The following TTLL5 variants were observed in gnomAD, a reference collection of about 807,000 sequenced individuals.
The protein encoded by TTLL5 is tubulin polyglutamylase TTLL5.
A neutral mutation model predicts 168.4 loss-of-function variants in TTLL5; 132 were observed. The ratio of observed to expected loss-of-function variants is 0.78; its 90% CI spans 0.68 to 0.91. TTLL5 has a LOEUF of 0.91. Among genes scored for constraint, TTLL5 ranks in the 40% least tolerant of loss-of-function variants. The pLI, the probability that TTLL5 is intolerant of heterozygous loss-of-function variation, is 0.00. For missense variants in TTLL5, 1,545 were observed against 1,581.5 expected (o/e 0.98, Z 0.39); for synonymous variants, 546 against 558.6 (o/e 0.98, Z 0.32).
intron 18 of TTLL5, among the ~76,000 whole-genome samples, chr14:75,755,054 C>T (rs1257624381): frequency 5.9e-5 from 9 of 152,064 alleles, no homozygotes; most frequent in African/African-American, 1.9e-4. Flanking sequence ...CACCTGAGGT[C>T]GGGAGTTCGA....
intron 31 of TTLL5, among the ~76,000 whole-genome samples, chr14:75,933,813 C>A (rs4903358): frequency 0.78 from 118,491 of 152,170 alleles, 46,245 homozygotes; most frequent in Admixed American, 0.83. Context: ...CAGGGCCCTG[C>A]TCCAGTGTGA....
At chr14:75,754,095 C>T (rs903578752) in intron 18 of TTLL5, among the ~76,000 whole-genome samples, 2 of 151,956 alleles carry the variant, frequency 1.3e-5, no homozygotes, top group African/African-American at 4.8e-5. Flanking sequence ...TTTTGTCTTC[C>T]AAAACTAAAT....
At chr14:75,677,767 AC>A (rs1366607557) in intron 3 of TTLL5, among the ~76,000 whole-genome samples, 1 of 149,144 alleles carries the variant, frequency 6.7e-6, no homozygotes, top group Non-Finnish European at 1.5e-5. Context: ...ACAGGCGCCC[AC>A]CCGTACACTT....
chr14:75,921,672 C>T (rs1338002276), intron 31 of TTLL5, among the ~76,000 whole-genome samples: 1 of 152,206 alleles, frequency 6.6e-6, no homozygotes, highest in East Asian at 1.9e-4. Flanking sequence ...GCCTCCTAAG[C>T]TTTGCTCTTT....
intron 3 of TTLL5, among the ~76,000 whole-genome samples, chr14:75,671,821 A>G (rs969725108): frequency 1.3e-5 from 2 of 152,188 alleles, no homozygotes; most frequent in Non-Finnish European, 2.9e-5. Context: ...TTATCTGCAA[A>G]TAGAGAGAAT....
intron 6 of TTLL5, among the ~76,000 whole-genome samples, chr14:75,696,796 C>T (rs910469594): frequency 2.6e-5 from 4 of 152,142 alleles, no homozygotes; most frequent in East Asian, 3.8e-4. Flanking sequence ...TAGCAAATAA[C>T]GTGTGTATAT....
intron 27 of TTLL5, among the ~76,000 whole-genome samples, chr14:75,815,085 C>T (rs1254326261): frequency 6.6e-6 from 1 of 152,090 alleles, no homozygotes; most frequent in African/African-American, 2.4e-5. Flanking sequence ...CCCCGAGTTG[C>T]TTGATTATGG....
At position 75,899,419 on chromosome 14, in the gene TTLL5, C is replaced by T. The variant is rs116504380; in HGVS notation, c.3741-2723C>T. ...TGTCCAGAAGTTGGAATATATTTTCCCAAGGAAATGATGTTATCACAACAA... is the reference window on the plus strand; with the variant it reads ...TGTCCAGAAGTTGGAATATATTTTCTCAAGGAAATGATGTTATCACAACAA... On this transcript the variant is annotated intron_variant, in intron 30 of 31. Coordinates refer to ENST00000298832, the MANE Select transcript of TTLL5 (RefSeq NM_015072.5). Among the ~76,000 whole-genome samples, 378 of 152,198 alleles carry T rather than the reference C, an allele frequency of 2.5e-3. 3 individuals are homozygous for T. The highest frequency in any genetic ancestry group is 8.2e-3 in the African/African-American group (341 of 41,512).
intron 3 of TTLL5, among the ~76,000 whole-genome samples, chr14:75,672,969 C>A (rs546833461): frequency 7.2e-5 from 11 of 152,044 alleles, no homozygotes; most frequent in Non-Finnish European, 1.6e-4. Context: ...GACAAAGTCT[C>A]ACTCTGTCAC....
chr14:75,937,922 G>A (rs1255221867), intron 31 of TTLL5, among the ~76,000 whole-genome samples: 3 of 152,120 alleles, frequency 2.0e-5, no homozygotes, highest in African/African-American at 7.2e-5. Flanking sequence ...AATTTTTTGA[G>A]GAACCACCAT....
chr14:75,908,460 G>A (rs574828362), intron 31 of TTLL5, among the ~76,000 whole-genome samples: 2 of 152,332 alleles, frequency 1.3e-5, no homozygotes, highest in Admixed American at 6.5e-5. Context: ...CCATAATCAC[G>A]AACGAATGTC....
At chr14:75,845,631 A>T (rs961262608) in intron 28 of TTLL5, among the ~76,000 whole-genome samples, 1 of 152,198 alleles carries the variant, frequency 6.6e-6, no homozygotes, top group Admixed American at 6.5e-5. Flanking sequence ...TGTGCTTTGT[A>T]TGATTTGTGC....
At position 75,693,884 on chromosome 14, in the gene TTLL5, C is replaced by T. The variant is rs141619333; in HGVS notation, c.502+3562C>T. Among the ~76,000 whole-genome samples the T allele has an allele frequency of 7.4e-3, 1,121 of 152,252 alleles. 11 individuals are homozygous for T. Among genetic ancestry groups the T allele is most frequent in the Non-Finnish European group, 0.01 (686 of 68,030 alleles). On this transcript the variant is annotated intron_variant, in intron 6 of 31. Coordinates refer to ENST00000298832, the MANE Select transcript of TTLL5 (RefSeq NM_015072.5). ...AGCAATGGGTAAATTTGTAGAATTA[C>T]GATTTTAGAATTATAAGAGATCTTA...
At chr14:75,927,554 C>A (rs1290674652) in intron 31 of TTLL5, among the ~76,000 whole-genome samples, 1 of 152,144 alleles carries the variant, frequency 6.6e-6, no homozygotes, top group Non-Finnish European at 1.5e-5. Context: ...AATTGTTGAT[C>A]AATACGTATT....
At chr14:75,919,502 T>C (rs1207345886) in intron 31 of TTLL5, among the ~76,000 whole-genome samples, 1 of 152,156 alleles carries the variant, frequency 6.6e-6, no homozygotes, top group Non-Finnish European at 1.5e-5. Context: ...CTTCAACAAC[T>C]ATTCAGTGGT....
At chr14:75,884,995 C>CCTGT (rs1277013908) in intron 30 of TTLL5, among the ~76,000 whole-genome samples, 6 of 149,516 alleles carry the variant, frequency 4.0e-5, no homozygotes. Flanking sequence ...ATGGTGAAAC[C>CCTGT]CTGTCTCTAC....
intron 3 of TTLL5, among the ~76,000 whole-genome samples, 195 bp downstream of exon 3, chr14:75,669,717 A>G (rs538501865): frequency 1.7e-3 from 258 of 152,276 alleles, no homozygotes; most frequent in African/African-American, 6.0e-3. Flanking sequence ...TTTTTCAAGA[A>G]TATTGTGTAC....
At chr14:75,752,543 C>G (rs1204387927) in intron 17 of TTLL5, among the ~76,000 whole-genome samples, 1 of 152,176 alleles carries the variant, frequency 6.6e-6, no homozygotes, top group Non-Finnish European at 1.5e-5. Context: ...TTCCCAGTTT[C>G]ATTTGACCTA....
intron 15 of TTLL5, among the ~76,000 whole-genome samples, chr14:75,735,891 G>A (rs1888867080): frequency 6.6e-6 from 1 of 151,730 alleles, no homozygotes; most frequent in South Asian, 2.1e-4. Context: ...CCATCATCTT[G>A]TCAGTCCCTG....
Sources: allele counts gnomAD v4.1 joint callset (sites outside exome capture counted in the v4.1 genomes callset), GRCh38; gene constraint gnomAD v4.1.1; transcripts MANE v1.5; gene names NCBI Gene and HGNC (gene_info 2026-07-23, HGNC 2026-07-21).